The following CUL2 variants were observed in gnomAD, a reference collection of about 807,000 sequenced individuals.
CUL2 encodes cullin-2.
CUL2 carries 22 observed loss-of-function variants against 110.2 expected under a neutral mutation model. That is an observed-to-expected ratio of 0.20 (90% CI 0.14 to 0.28). CUL2 has a LOEUF of 0.28. Among genes scored for constraint, CUL2 ranks in the 10% least tolerant of loss-of-function variants. The probability of loss-of-function intolerance (pLI) is 1.00; values close to 1 mark genes in which losing one functional copy is unlikely to be tolerated. For synonymous variants in CUL2, 279 were observed against 293.2 expected (o/e 0.95, Z 0.49); for missense variants, 631 against 905.5 (o/e 0.70, Z 3.89).
At chr10:35,098,508 G>A (rs888247444) in intron 2 of CUL2, among the ~76,000 whole-genome samples, 1 of 151,896 alleles carries the variant, frequency 6.6e-6, no homozygotes, top group Non-Finnish European at 1.5e-5. Flanking sequence ...ATTGCTTGAG[G>A]TCAGGAGTTC....
At chr10:35,029,109 A>C (rs1482653894) in intron 15 of CUL2, among the ~76,000 whole-genome samples, 1 of 151,456 alleles carries the variant, frequency 6.6e-6, no homozygotes, top group Non-Finnish European at 1.5e-5. Flanking sequence ...CCAGGCTTCA[A>C]TGCAGTGGCA....
intron 1 of CUL2, among the ~76,000 whole-genome samples, chr10:35,120,789 G>A (rs1048379281): frequency 2.6e-5 from 4 of 151,978 alleles, no homozygotes; most frequent in Non-Finnish European, 5.9e-5. Context: ...CCAGCTACTC[G>A]GGAGGCTGTA....
rs2084821423 is a variant in CUL2 at position 35,008,746 on chromosome 10, A to G, written c.*1565T>C. The G allele has an allele frequency of 6.6e-6, 1 of 152,316 alleles. No individual in the cohort carries two copies. The highest frequency in any genetic ancestry group is 1.5e-5 in the Non-Finnish European group (1 of 68,022). The allele number at this position is 152,316 out of a possible 1,614,324, so 9.4% of individuals were successfully genotyped here. Reference sequence around the variant, plus strand: ...TGAGACACGAGTTAGAAAAAATGCAATTGAATAAACCAATTGTAAGACCCA... The same window carrying G: ...TGAGACACGAGTTAGAAAAAATGCAGTTGAATAAACCAATTGTAAGACCCA... On this transcript the variant is annotated 3_prime_UTR_variant, in exon 21 of 21. Transcript: ENST00000374749.
intron 1 of CUL2, among the ~76,000 whole-genome samples, chr10:35,121,645 A>T (rs2087679304): frequency 6.6e-6 from 1 of 152,000 alleles, no homozygotes; most frequent in Admixed American, 6.6e-5. Context: ...TCTTTTCCTC[A>T]TGCCTTTCTT....
chr10:35,101,664 T>C (rs2087379569), intron 1 of CUL2, among the ~76,000 whole-genome samples: 1 of 152,222 alleles, frequency 6.6e-6, no homozygotes, highest in African/African-American at 2.4e-5. Flanking sequence ...CACTCGTTTC[T>C]TCTGAATCAA....
chr10:35,103,308 A>ATTTTTTTTTTTTTTTTTTT (rs67257350), intron 1 of CUL2, among the ~76,000 whole-genome samples: 9 of 94,546 alleles, frequency 9.5e-5, no homozygotes, highest in East Asian at 3.4e-4. Context: ...GGCCAAGCTA[A>ATTTTTTTTTTTTTTTTTTT]TTTTTTTTTT....
At chr10:35,110,178 C>T (rs200610448) in intron 1 of CUL2, among the ~76,000 whole-genome samples, 1 of 152,120 alleles carries the variant, frequency 6.6e-6, no homozygotes, top group East Asian at 1.9e-4. Context: ...AACAAAACAA[C>T]AAATGAAATA....
chr10:35,037,470 T>TC (rs2085651702), intron 9 of CUL2, among the ~76,000 whole-genome samples: 1 of 152,212 alleles, frequency 6.6e-6, no homozygotes, highest in Non-Finnish European at 1.5e-5. Context: ...ATCATACTCT[T>TC]CAAGACAGTG....
At chr10:35,117,086 G>T (rs1293059025) in intron 1 of CUL2, among the ~76,000 whole-genome samples, 3 of 148,116 alleles carry the variant, frequency 2.0e-5, no homozygotes, top group Non-Finnish European at 3.0e-5. Flanking sequence ...GAGTATTTTT[G>T]AATTTATCGA....
At chr10:35,058,667 TTA>T (rs1213996628) in intron 4 of CUL2, among the ~76,000 whole-genome samples, 7 of 152,204 alleles carry the variant, frequency 4.6e-5, no homozygotes, top group Admixed American at 4.6e-4. Context: ...CTTCAAAGGT[TTA>T]TCTTATATAA....
intron 2 of CUL2, chr10:35,099,428 G>T (rs1252036178): frequency 6.6e-6 from 1 of 151,424 alleles, no homozygotes; most frequent in African/African-American, 2.4e-5. Context: ...GTACCAAGTG[G>T]TTCCTGAATA....
intron 6 of CUL2, among the ~76,000 whole-genome samples, chr10:35,045,931 T>C (rs933330834): frequency 6.6e-5 from 10 of 152,182 alleles, no homozygotes; most frequent in Admixed American, 6.5e-4. Context: ...AGAAAACTTA[T>C]TATCATCATT....
At chr10:35,089,421 G>C (rs1307483586) in intron 1 of CUL2, among the ~76,000 whole-genome samples, 1 of 152,188 alleles carries the variant, frequency 6.6e-6, no homozygotes, top group Non-Finnish European at 1.5e-5. Flanking sequence ...GGTAGGCTTG[G>C]CCAGGTCTAG....
At chr10:35,051,132 G>T (rs575118809) in intron 5 of CUL2, among the ~76,000 whole-genome samples, 1 of 140,412 alleles carries the variant, frequency 7.1e-6, no homozygotes, top group African/African-American at 2.7e-5. Flanking sequence ...TGGCTAACAG[G>T]GTGAAACCCC....
At chr10:35,103,505 A>T (rs1420460466) in intron 1 of CUL2, among the ~76,000 whole-genome samples, 1 of 151,634 alleles carries the variant, frequency 6.6e-6, no homozygotes, top group Admixed American at 6.6e-5. Context: ...TTGTATTTTT[A>T]GTAGAGACGG....
At chr10:35,108,387 G>T (rs1033384916) in intron 1 of CUL2, among the ~76,000 whole-genome samples, 2 of 151,380 alleles carry the variant, frequency 1.3e-5, no homozygotes, top group Non-Finnish European at 2.9e-5. Flanking sequence ...AGCCCAGGAG[G>T]TTGAGGCTGC....
intron 8 of CUL2, among the ~76,000 whole-genome samples, chr10:35,043,828 A>G (rs1290841163): frequency 1.3e-5 from 2 of 152,074 alleles, no homozygotes; most frequent in Non-Finnish European, 2.9e-5. Flanking sequence ...GCGCTTTGGG[A>G]GGCTGAGGCA....
intron 1 of CUL2, among the ~76,000 whole-genome samples, chr10:35,109,586 G>A (rs1304147805): frequency 3.9e-5 from 6 of 152,214 alleles, no homozygotes; most frequent in Admixed American, 3.9e-4. Context: ...TTTCTGAGGT[G>A]ACATTTGCGT....
chr10:35,057,496 T>C (rs911232119), intron 4 of CUL2, among the ~76,000 whole-genome samples: 2 of 149,288 alleles, frequency 1.3e-5, no homozygotes, highest in African/African-American at 4.9e-5. Flanking sequence ...ACTAAAAAAA[T>C]ACAAAAATTA....
Sources: gnomAD v4.1 joint callset for allele counts (sites outside exome capture counted in the v4.1 genomes callset) on GRCh38, gnomAD v4.1.1 for gene constraint, MANE v1.5 for transcripts, NCBI Gene and HGNC (gene_info 2026-07-23, HGNC 2026-07-21) for gene names.